Variants in GOLGA3 observed in about 807,000 individuals in gnomAD.
GOLGA3 encodes the protein golgin A3.
In GOLGA3, 75 loss-of-function variants were observed where a neutral mutation model predicts 169.4. That is an observed-to-expected ratio of 0.44 (90% confidence interval 0.37 to 0.54). The LOEUF (loss-of-function observed/expected upper bound fraction) is 0.54, where lower values mean the gene tolerates loss of function less well. GOLGA3 is among the 20% of genes least tolerant of loss of function. GOLGA3 has a pLI of 0.00. For missense variants in GOLGA3, 1,899 were observed against 1,930.0 expected (o/e 0.98, Z 0.30); for synonymous variants, 824 against 822.4 (o/e 1.00, Z -0.03).
At chr12:132,802,255 C>T (rs1185553786) in intron 7 of GOLGA3, among the ~76,000 whole-genome samples, 2 of 152,250 alleles carry the variant, frequency 1.3e-5, no homozygotes, top group African/African-American at 2.4e-5. Context: ...TTTCCATTTA[C>T]GACACCGATC....
At chr12:132,787,097 G>A (rs1434954832) in intron 13 of GOLGA3, among the ~76,000 whole-genome samples, 9 of 152,146 alleles carry the variant, frequency 5.9e-5, no homozygotes, top group African/African-American at 2.2e-4. Flanking sequence ...GGGACTACAG[G>A]TGCCCGCCAC....
At chr12:132,822,913 C>T (rs1950276777) in intron 1 of GOLGA3, among the ~76,000 whole-genome samples, 1 of 152,134 alleles carries the variant, frequency 6.6e-6, no homozygotes, top group Non-Finnish European at 1.5e-5. Context: ...CAGAGGGAGA[C>T]CCCATCTCAA....
chr12:132,798,181 G>T (rs936525495), intron 9 of GOLGA3, among the ~76,000 whole-genome samples, 159 bp downstream of exon 9: 1 of 124,470 alleles, frequency 8.0e-6, no homozygotes. Context: ...ATGAGGGGTG[G>T]GGGGGGGGTC....
rs1246308236 is a variant in GOLGA3, at chr12:132,777,058, G to A, written c.3755C>T (p.Ala1252Val). 4.4e-6 allele frequency: 7 copies of A among 1,602,492 alleles called. No individual in the cohort carries two copies. Among genetic ancestry groups the A allele is most frequent in the Non-Finnish European group, 5.1e-6 (6 of 1,176,544 alleles). Reference sequence around the variant, plus strand: ...CTCGGCCAGCTCTGCTTGGAACTGTGCTATCTCCTGGGAATGTTTCCCCTC... The same window carrying A: ...CTCGGCCAGCTCTGCTTGGAACTGTACTATCTCCTGGGAATGTTTCCCCTC... Reference protein sequence around the residue: ...IREGKHSQEIAQFQAELAEAR... With the variant: ...IREGKHSQEIVQFQAELAEAR... Residue 1252 changes from alanine (A) to valine (V), a missense_variant, in exon 20 of 24, where the codon GCA (alanine) becomes GTA (valine). Ala to Val is a moderately conservative substitution (Grantham distance 64). Transcript: ENST00000450791. The surrounding 1 kb of genome is among the most constrained non-coding windows in gnomAD (Gnocchi z 4.7).
Position 132,804,516 on chromosome 12 carries a change from C to T in GOLGA3, c.1597+200G>A, listed in dbSNP as rs532146602. Among the ~76,000 whole-genome samples, 18 of 152,040 alleles carry T rather than the reference C, an allele frequency of 1.2e-4. No homozygotes were observed. The South Asian group carries it at 2.3e-3, about 19-fold the overall frequency. The stretch of plus-strand genomic sequence containing the variant: ...GTCAGCACCAGGGAGGAGGGCGTGG[C>T]GAGGACCAGTCAGGGAAGGAGGGCG... On this transcript the variant is annotated intron_variant, in intron 7 of 23. Transcript: ENST00000450791. The surrounding 1 kb of genome is among the most constrained non-coding windows in gnomAD (Gnocchi z 4.1).
intron 23 of GOLGA3, among the ~76,000 whole-genome samples, chr12:132,773,905 TGC>T (rs2045061093): frequency 7.1e-6 from 1 of 140,056 alleles, no homozygotes; most frequent in Non-Finnish European, 1.5e-5. Context: ...ACAGAGGCTG[TGC>T]GAGTCCCCCT....
At chr12:132,805,062 G>C (rs1467256437) in intron 6 of GOLGA3, 40 bp from the exon 7 acceptor site, 5 of 1,580,388 alleles carry the variant, frequency 3.2e-6, no homozygotes, top group Non-Finnish European at 4.3e-6. Context: ...TTAAGAAAAC[G>C]AGTCACTTCC....
chr12:132,819,765 C>T (rs764473014), intron 2 of GOLGA3, among the ~76,000 whole-genome samples: 3 of 152,148 alleles, frequency 2.0e-5, no homozygotes, highest in African/African-American at 7.2e-5. Flanking sequence ...TTAGGCCGGG[C>T]GCAGTGGCTC....
In GOLGA3 at chr12:132,804,679, G is replaced by C. The variant is rs535022391; in HGVS notation, c.1597+37C>G. 6.5e-7 allele frequency: 1 copy of C among 1,542,506 alleles called. No individual in the cohort carries two copies. Among genetic ancestry groups the C allele is most frequent in the Non-Finnish European group, 8.9e-7 (1 of 1,124,664 alleles). ...AAGGAGGAGGGAGCAGCAGGGACCA[G>C]TCAGGGAGGGGAGGGCGTGGCCAGG... is the stretch of plus-strand genomic sequence containing the variant. On this transcript the variant is annotated intron_variant, in intron 7 of 23. Coordinates refer to ENST00000450791, the MANE Select transcript of GOLGA3 (RefSeq NM_001389683.1). This position sits in a 1 kb window ranked among gnomAD's most constrained non-coding sequence, Gnocchi z 4.1.
In GOLGA3 at chr12:132,804,254, T is replaced by A. The variant is rs531178537; in HGVS notation, c.1597+462A>T. Among the ~76,000 whole-genome samples the A allele has an allele frequency of 7.0e-4, 107 of 152,298 alleles. No individual in the cohort carries two copies. Among genetic ancestry groups the A allele is most frequent in the Non-Finnish European group, 1.2e-3 (79 of 68,020 alleles). ...GGAATCTGCAATTCTGTGGAATAAG[T>A]GGGCAGCTCTATACTCCCAAATAAC... On this transcript the variant is annotated intron_variant, in intron 7 of 23. Coordinates refer to ENST00000450791, the MANE Select transcript of GOLGA3 (RefSeq NM_001389683.1). The surrounding 1 kb of genome is among the most constrained non-coding windows in gnomAD (Gnocchi z 4.1).
chr12:132,777,540 TGATTCACTCAA>T lies in GOLGA3; in HGVS notation c.3722+115_3722+125del. The T allele has an allele frequency of 9.8e-7, 1 of 1,023,402 alleles. No homozygotes were observed. Among genetic ancestry groups the T allele is most frequent in the Non-Finnish European group, 1.4e-6 (1 of 693,944 alleles). The allele number at this position is 1,023,402 out of a possible 1,614,324, so 63.4% of individuals were successfully genotyped here. A position where few individuals can be genotyped will look rare whatever the true frequency, so the allele number is the denominator to read the frequency against. On this transcript the variant is annotated intron_variant, in intron 19 of 23. Coordinates refer to ENST00000450791, the MANE Select transcript of GOLGA3 (RefSeq NM_001389683.1). The surrounding 1 kb of genome is among the most constrained non-coding windows in gnomAD (Gnocchi z 4.7). ...GGAGGCTGGGTGCCTTCTACTCCTATGATTCACTCAAGTACTCGGCAATTTGCAAAATATAG... is the reference window on the plus strand; with the variant it reads ...GGAGGCTGGGTGCCTTCTACTCCTATGTACTCGGCAATTTGCAAAATATAG...
chr12:132,814,313 C>T (rs1457391243), intron 3 of GOLGA3, among the ~76,000 whole-genome samples: 1 of 152,010 alleles, frequency 6.6e-6, no homozygotes, highest in Non-Finnish European at 1.5e-5. Flanking sequence ...CCTGAGCCAC[C>T]GTGCCCGGCA....
rs1398254711 is a variant in GOLGA3, at chr12:132,770,092, G to A, written c.*3013C>T. 6.6e-6 allele frequency: 1 copy of A among 152,130 alleles called. No homozygotes were observed. The highest frequency in any genetic ancestry group is 1.5e-5 in the Non-Finnish European group (1 of 68,060). The allele number at this position is 152,130 out of a possible 1,614,324, so 9.4% of individuals were successfully genotyped here. A position where few individuals can be genotyped will look rare whatever the true frequency, so the allele number is the denominator to read the frequency against. ...CTCTAAAAATACAAAAATTAGGCTG[G>A]TGTGGTGGCGGGCACCTGTAATCCC... On this transcript the variant is annotated 3_prime_UTR_variant, in exon 24 of 24. Transcript: ENST00000450791.
intron 13 of GOLGA3, 136 bp from the exon 14 acceptor site, chr12:132,786,923 C>G: frequency 1.5e-6 from 1 of 652,092 alleles, no homozygotes; most frequent in Non-Finnish European, 2.7e-6. Context: ...GAGAAAAATC[C>G]TGAGAGAGAC....
intron 2 of GOLGA3, among the ~76,000 whole-genome samples, chr12:132,817,107 C>CGTGA (rs1382980323): frequency 8.1e-6 from 1 of 123,356 alleles, no homozygotes; most frequent in Non-Finnish European, 1.7e-5. Context: ...TACGCTCTAA[C>CGTGA]GTGAACTCAC....
At chr12:132,819,031 C>T (rs372642094) in intron 2 of GOLGA3, among the ~76,000 whole-genome samples, 2 of 149,772 alleles carry the variant, frequency 1.3e-5, no homozygotes, top group Non-Finnish European at 2.9e-5. Flanking sequence ...TCCCTGCCCC[C>T]TAACTGCTGA....
intron 3 of GOLGA3, among the ~76,000 whole-genome samples, chr12:132,816,282 C>T (rs1451797025): frequency 6.6e-6 from 1 of 152,278 alleles, no homozygotes; most frequent in African/African-American, 2.4e-5. Flanking sequence ...TGACACAGGA[C>T]ATGCAGGCTG....
At position 132,813,428 on chromosome 12, in the gene GOLGA3, G is replaced by C. The variant is rs1264968509; in HGVS notation, c.407-9C>G. The stretch of plus-strand genomic sequence containing the variant: ...GGGAGAATCTGTAGAGCCTGCAGTG[G>C]GAAAAGGGCAATTTGGAAACTCATA... On this transcript the variant is annotated splice_polypyrimidine_tract_variant and intron_variant, in intron 3 of 23. Coordinates refer to ENST00000450791, the MANE Select transcript of GOLGA3 (RefSeq NM_001389683.1). 1.3e-6 allele frequency: 2 copies of C among 1,493,016 alleles called. No homozygotes were observed. The highest frequency in any genetic ancestry group is 2.3e-5 in the South Asian group (2 of 85,454). The allele number at this position is 1,493,016 out of a possible 1,614,324, so 92.5% of individuals were successfully genotyped here.
Position 132,784,741 on chromosome 12 carries a change from G to A in GOLGA3, c.3124-434C>T, listed in dbSNP as rs143146602. 2.6e-3 allele frequency among the ~76,000 whole-genome samples: 377 copies of A among 144,578 alleles called. 11 individuals carry two copies. In the East Asian group the frequency reaches 0.069, roughly 26 times the overall value. 94.8% of individuals were successfully genotyped at this position (144,578 alleles called of 152,430 possible). ...ACACACACGTGCTCACACCCCACAC[G>A]CACATGCTCACACCCCACGTGTTCA... On this transcript the variant is annotated intron_variant, in intron 15 of 23. Coordinates refer to ENST00000450791, the MANE Select transcript of GOLGA3 (RefSeq NM_001389683.1).
Sources: allele counts gnomAD v4.1 joint callset (sites outside exome capture counted in the v4.1 genomes callset), GRCh38; gene constraint gnomAD v4.1.1; non-coding constraint Gnocchi (gnomAD v3.1); transcripts MANE v1.5; gene names NCBI Gene and HGNC (gene_info 2026-07-23, HGNC 2026-07-21).